KIF17: variants seen among roughly 807,000 people sequenced by gnomAD.
KIF17 encodes kinesin family member 17.
KIF17 carries 80 observed loss-of-function variants against 96.8 expected under a neutral mutation model. The ratio of observed to expected loss-of-function variants is 0.83; its 90% CI spans 0.69 to 1.00. The LOEUF is 1.00. KIF17 is among the 50% of genes least tolerant of loss of function. The probability of loss-of-function intolerance (pLI) is 0.00; values close to 1 mark genes in which losing one functional copy is unlikely to be tolerated. For synonymous variants in KIF17, 567 were observed against 587.5 expected (o/e 0.97, Z 0.51); for missense variants, 1,280 against 1,372.9 (o/e 0.93, Z 1.07).
intron 3 of KIF17, among the ~76,000 whole-genome samples, chr1:20,711,948 A>G (rs2054444550): frequency 6.6e-6 from 1 of 152,164 alleles, no homozygotes; most frequent in Non-Finnish European, 1.5e-5. Flanking sequence ...CAGGAGGTTT[A>G]CATGAGAGCC....
At chr1:20,688,135 C>T (rs1414300065) in intron 7 of KIF17, among the ~76,000 whole-genome samples, 191 bp from the exon 8 acceptor site, 4 of 152,032 alleles carry the variant, frequency 2.6e-5, no homozygotes, top group Non-Finnish European at 5.9e-5. Context: ...AAAGCTCTGC[C>T]TCCCAGGTTC....
chr1:20,682,599 G>T (rs765744507), intron 11 of KIF17, 54 bp downstream of exon 11: 25 of 1,507,516 alleles, frequency 1.7e-5, no homozygotes, highest in Middle Eastern at 3.6e-4. Context: ...CTGGATCGGG[G>T]GGTCTCACCC....
At chr1:20,705,756 T>C (rs1262841346) in intron 4 of KIF17, among the ~76,000 whole-genome samples, 1 of 152,138 alleles carries the variant, frequency 6.6e-6, no homozygotes, top group African/African-American at 2.4e-5. Context: ...ACCCAAACCT[T>C]GATGTGATTC....
Position 20,685,206 on chromosome 1 carries a change from C to T in KIF17, c.2020-186G>A. 1.4e-6 allele frequency: 1 copy of T among 704,508 alleles called. No individual in the cohort carries two copies. The highest frequency in any genetic ancestry group is 2.6e-6 in the Non-Finnish European group (1 of 383,822). The allele number at this position is 704,508 out of a possible 1,614,324, so 43.6% of individuals were successfully genotyped here. A position where few individuals can be genotyped will look rare whatever the true frequency, so the allele number is the denominator to read the frequency against. Reference sequence around the variant, plus strand: ...TGAGTTCTTACTGCCGCTATTCCCACTGACACCCCCACGCTAGGAGGAAGG... The same window carrying T: ...TGAGTTCTTACTGCCGCTATTCCCATTGACACCCCCACGCTAGGAGGAAGG... On this transcript the variant is annotated intron_variant, in intron 9 of 14. Coordinates refer to ENST00000400463, the MANE Select transcript of KIF17 (RefSeq NM_001122819.3). The surrounding 1 kb of genome is among the most constrained non-coding windows in gnomAD (Gnocchi z 4.1).
intron 13 of KIF17, among the ~76,000 whole-genome samples, chr1:20,668,829 G>C (rs2053580890): frequency 6.6e-6 from 1 of 152,180 alleles, no homozygotes; most frequent in Non-Finnish European, 1.5e-5. Flanking sequence ...TGGCAGAGTT[G>C]AGTGGCTGTG....
At chr1:20,698,298 G>T in intron 6 of KIF17, 81 bp downstream of exon 6, 1 of 940,024 alleles carries the variant, frequency 1.1e-6, no homozygotes. Flanking sequence ...TATCGCGTTG[G>T]ACCCCAGCGG....
At position 20,666,351 on chromosome 1, in the gene KIF17, C is replaced by T; in HGVS notation, c.2791-20G>A. 6.4e-7 allele frequency: 1 copy of T among 1,570,788 alleles called. No homozygotes were observed. The highest frequency in any genetic ancestry group is 8.8e-7 in the Non-Finnish European group (1 of 1,140,342). ...GTCCTCCTGCCGAGATGCAGATGCC[C>T]GTGGTCACGTCCCCTTGTTTGTGCC... On this transcript the variant is annotated intron_variant, in intron 13 of 14. Coordinates refer to ENST00000400463, the MANE Select transcript of KIF17 (RefSeq NM_001122819.3).
intron 12 of KIF17, among the ~76,000 whole-genome samples, chr1:20,671,456 T>A (rs645831): frequency 0.92 from 140,576 of 152,100 alleles, 65,921 homozygotes; most frequent in Non-Finnish European, 1. Context: ...TCAGCCCCCA[T>A]AGTAGCTGGG....
Position 20,712,885 on chromosome 1 carries a change from A to ATATAGATAATATCTATAT in KIF17, c.480+568_480+569insATATAGATATTATCTATA, listed in dbSNP as rs1323730250. ...ATATTATAGATATTATCTATATATA[A>ATATAGATAATATCTATAT]TATAGATAATATTATCTATATTATA... is the stretch of plus-strand genomic sequence containing the variant. On this transcript the variant is annotated intron_variant, in intron 3 of 14. Transcript: ENST00000400463. Among the ~76,000 whole-genome samples the ATATAGATAATATCTATAT allele has an allele frequency of 4.9e-3, 416 of 85,048 alleles. 5 individuals are homozygous for ATATAGATAATATCTATAT. Among genetic ancestry groups the ATATAGATAATATCTATAT allele is most frequent in the African/African-American group, 0.023 (380 of 16,512 alleles). The allele number at this position is 85,048 out of a possible 152,430, so 55.8% of individuals were successfully genotyped here. A position where few individuals can be genotyped will look rare whatever the true frequency, so the allele number is the denominator to read the frequency against.
At position 20,704,725 on chromosome 1, in the gene KIF17, C is replaced by T. The variant is rs2054310845; in HGVS notation, c.845G>A (p.Cys282Tyr). The change falls in exon 5 of 15, where the codon TGT becomes TAT. Residue 282 changes from cysteine to tyrosine, a missense_variant. Cys to Tyr is a radical substitution (Grantham distance 194). Coordinates refer to ENST00000400463, the MANE Select transcript of KIF17 (RefSeq NM_001122819.3). This position sits in a 1 kb window ranked among gnomAD's most constrained non-coding sequence, Gnocchi z 6.8. ...CGAGTCACGGTAGGGGACGTGCTTA[C>T]AGCGCCCGTCCACCAGCGCCGAGAT... is the stretch of plus-strand genomic sequence containing the variant. ...NVISALVDGRCKHVPYRDSKL... is the reference protein window; with the variant it reads ...NVISALVDGRYKHVPYRDSKL... The T allele has an allele frequency of 1.9e-6, 3 of 1,613,154 alleles. No individual in the cohort carries two copies. The South Asian group carries it at 3.3e-5, about 18-fold the overall frequency.
intron 5 of KIF17, among the ~76,000 whole-genome samples, chr1:20,702,780 G>A (rs2054259756): frequency 6.6e-6 from 1 of 152,204 alleles, no homozygotes; most frequent in Middle Eastern, 3.2e-3. Context: ...CCCACCCACA[G>A]ATAGACCTGG....
chr1:20,671,503 C>T (rs1273412238), intron 12 of KIF17, among the ~76,000 whole-genome samples: 3 of 150,420 alleles, frequency 2.0e-5, no homozygotes, highest in Admixed American at 1.3e-4. Context: ...GCTAATTTTT[C>T]TATTTTTTTT....
chr1:20,664,770 G>A lies in KIF17; in HGVS notation c.2909-8C>T. On this transcript the variant is annotated splice_region_variant and splice_polypyrimidine_tract_variant and intron_variant, in intron 14 of 14. Coordinates refer to ENST00000400463, the MANE Select transcript of KIF17 (RefSeq NM_001122819.3). ...GTGGCGAGTTGTGATGTGCTGTGGGGAAGAGGGCAGAGGTGCTGGTAAGCC... is the reference window on the plus strand; with the variant it reads ...GTGGCGAGTTGTGATGTGCTGTGGGAAAGAGGGCAGAGGTGCTGGTAAGCC... 6.2e-7 allele frequency: 1 copy of A among 1,611,522 alleles called. No individual in the cohort carries two copies. Among genetic ancestry groups the A allele is most frequent in the Non-Finnish European group, 8.5e-7 (1 of 1,179,440 alleles).
At chr1:20,702,188 C>G (rs1297817940) in intron 5 of KIF17, among the ~76,000 whole-genome samples, 1 of 152,210 alleles carries the variant, frequency 6.6e-6, no homozygotes, top group African/African-American at 2.4e-5. Flanking sequence ...GATGAAGAGA[C>G]TGAGGTTCTC....
At chr1:20,686,484 GACACACACACACAAAAT>G (rs2053940955) in intron 8 of KIF17, 2 of 318,520 alleles carry the variant, frequency 6.3e-6, no homozygotes, top group Non-Finnish European at 1.1e-5. Flanking sequence ...CACACACACA[GACACACACACACAAAAT>G]ACACACACAC....
rs1235321371 is a variant in KIF17, at chr1:20,717,859, G to C, written c.-153C>G. 5 of 450,296 alleles carry C rather than the reference G, an allele frequency of 1.1e-5. No homozygotes were observed. The East Asian group carries it at 3.1e-4, about 28-fold the overall frequency. The allele number at this position is 450,296 out of a possible 1,614,324, so 27.9% of individuals were successfully genotyped here. A position where few individuals can be genotyped will look rare whatever the true frequency, so the allele number is the denominator to read the frequency against. On this transcript the variant is annotated 5_prime_UTR_variant, in exon 1 of 15. Coordinates refer to ENST00000400463, the MANE Select transcript of KIF17 (RefSeq NM_001122819.3). The stretch of plus-strand genomic sequence containing the variant: ...CGCGGCGGGGGGCGGGGACCCCTCG[G>C]GGGGCGCCCCGGAGGGGAGCTGGGC...
intron 10 of KIF17, among the ~76,000 whole-genome samples, chr1:20,684,558 C>T (rs1027521990): frequency 4.6e-5 from 7 of 152,090 alleles, no homozygotes; most frequent in South Asian, 2.1e-4. Flanking sequence ...GAAAAGCCTG[C>T]GACACTCTGC....
chr1:20,684,787 A>C, intron 10 of KIF17, 22 bp downstream of exon 10: 1 of 1,556,162 alleles, frequency 6.4e-7, no homozygotes, highest in Non-Finnish European at 8.7e-7. Flanking sequence ...GGGTCCCGCC[A>C]GCCCCATGCT....
chr1:20,684,674 G>A (rs2053901440), intron 10 of KIF17, 135 bp downstream of exon 10: 2 of 853,832 alleles, frequency 2.3e-6, no homozygotes, highest in Non-Finnish European at 3.7e-6. Context: ...TGCGCCTGGA[G>A]AGAGGATCAG....
Sources: allele counts gnomAD v4.1 joint callset (sites outside exome capture counted in the v4.1 genomes callset), GRCh38; gene constraint gnomAD v4.1.1; non-coding constraint Gnocchi (gnomAD v3.1); transcripts MANE v1.5; gene names NCBI Gene and HGNC (gene_info 2026-07-23, HGNC 2026-07-21).